DMD: variants seen among roughly 807,000 people sequenced by gnomAD.
DMD encodes the protein dystrophin, also known as mutant dystrophin.
A neutral mutation model predicts 330.1 loss-of-function variants in DMD; 63 were observed. That is an observed-to-expected ratio of 0.19 (90% CI 0.16 to 0.24). DMD has a LOEUF of 0.24. DMD is among the 10% of genes least tolerant of loss of function. The probability of loss-of-function intolerance (pLI) is 1.00; values close to 1 mark genes in which losing one functional copy is unlikely to be tolerated. For missense variants in DMD, 3,344 were observed against 2,684.1 expected, an observed-to-expected ratio of 1.25 and a Z score of -5.43; for synonymous variants, 1,223 against 959.8, an observed-to-expected ratio of 1.27 and a Z score of -5.07.
chrX:33,284,853 G>T (rs2053405581), intron 1 of DMD, among the ~76,000 whole-genome samples: 1 of 106,342 alleles, frequency 9.4e-6, no homozygotes, highest in Admixed American at 1.0e-4. Context: ...CTGTGAGAGA[G>T]GAGCAGCTTT....
chrX:32,117,282 G>T (rs2096614980), intron 44 of DMD, among the ~76,000 whole-genome samples: 2 of 110,270 alleles, frequency 1.8e-5, no homozygotes, highest in African/African-American at 6.7e-5. Flanking sequence ...CATCAGAATG[G>T]GGAACGGAGA....
chrX:31,261,158 G>A (rs1274726313), intron 62 of DMD, 142 bp from the exon 63 acceptor site: 1 of 496,392 alleles, frequency 2.0e-6, no homozygotes, highest in Non-Finnish European at 3.4e-6. Flanking sequence ...CTTCCATAGT[G>A]TATTGAAGAA....
At chrX:32,156,241 A>C (rs1292266639) in intron 44 of DMD, among the ~76,000 whole-genome samples, 1 of 111,351 alleles carries the variant, frequency 9.0e-6, no homozygotes, top group Non-Finnish European at 1.9e-5. Context: ...TTAGATGGGC[A>C]TGGTGACGCA....
intron 46 of DMD, among the ~76,000 whole-genome samples, chrX:31,931,867 T>C (rs1157888333): frequency 2.7e-5 from 3 of 109,784 alleles, no homozygotes; most frequent in African/African-American, 1.0e-4. Context: ...TGTGTGTGTA[T>C]ATATAAATAC....
chrX:33,005,574 G>T (rs909155780), intron 2 of DMD, among the ~76,000 whole-genome samples: 2 of 107,248 alleles, frequency 1.9e-5, no homozygotes, highest in African/African-American at 3.4e-5. Context: ...TCCACAGAAA[G>T]TTAGGAGAGA....
intron 8 of DMD, 41 bp downstream of exon 8, chrX:32,699,071 A>C: frequency 7.8e-6 from 9 of 1,149,883 alleles, no homozygotes; most frequent in Non-Finnish European, 9.5e-6. Context: ...CATATAAAAC[A>C]GAAAACATCT....
intron 43 of DMD, among the ~76,000 whole-genome samples, chrX:32,257,646 C>T (rs1225956274): frequency 1.8e-5 from 2 of 111,478 alleles, no homozygotes; most frequent in African/African-American, 6.5e-5. Context: ...CCCTTCCTTA[C>T]CCCTTATACA....
intron 21 of DMD, among the ~76,000 whole-genome samples, chrX:32,479,804 T>C (rs1207712745): frequency 9.1e-6 from 1 of 110,442 alleles, no homozygotes; most frequent in African/African-American, 3.3e-5. Flanking sequence ...ATTTTCTTTA[T>C]CCATTCGTCC....
intron 32 of DMD, among the ~76,000 whole-genome samples, chrX:32,388,701 A>T: frequency 9.1e-6 from 1 of 109,733 alleles, no homozygotes; most frequent in East Asian, 2.9e-4. Context: ...TACTAAATAG[A>T]CTTGTTTTCC....
chrX:33,035,909 T>C (rs2094196142), intron 1 of DMD, among the ~76,000 whole-genome samples: 1 of 112,020 alleles, frequency 8.9e-6, no homozygotes, highest in Non-Finnish European at 1.9e-5. Context: ...AGGAACATTA[T>C]TGATTGGCAA....
chrX:32,701,466 G>A (rs1288350058), intron 7 of DMD, among the ~76,000 whole-genome samples: 7 of 111,268 alleles, frequency 6.3e-5, no homozygotes, highest in Non-Finnish European at 1.1e-4. Context: ...ACTTAGCTTT[G>A]GAATTCTGAA....
intron 44 of DMD, among the ~76,000 whole-genome samples, chrX:32,151,815 C>T (rs2096805105): frequency 8.9e-6 from 1 of 111,848 alleles, no homozygotes. Flanking sequence ...TCGTGAGCAC[C>T]TCAGTATTCC....
chrX:32,502,574 C>T (rs981825467), intron 18 of DMD, among the ~76,000 whole-genome samples: 5 of 111,939 alleles, frequency 4.5e-5, no homozygotes, highest in African/African-American at 1.6e-4. Context: ...AGTAGAACTA[C>T]ATTACTATAA....
chrX:31,813,089 G>C (rs1006120485), intron 50 of DMD, among the ~76,000 whole-genome samples: 1 of 111,817 alleles, frequency 8.9e-6, no homozygotes, highest in Non-Finnish European at 1.9e-5. Flanking sequence ...GAATACTGAA[G>C]AGGACTGAAA....
intron 60 of DMD, among the ~76,000 whole-genome samples, chrX:31,380,862 C>T (rs1268922720): frequency 9.2e-6 from 1 of 108,704 alleles, no homozygotes; most frequent in African/African-American, 3.3e-5. Flanking sequence ...GCTGTACTGC[C>T]TCAAGGCTTC....
intron 19 of DMD, among the ~76,000 whole-genome samples, chrX:32,493,830 T>C (rs759881524): frequency 2.5e-4 from 28 of 111,892 alleles, no homozygotes; most frequent in African/African-American, 9.1e-4. Context: ...ATTTTCAGCA[T>C]ATGTTGAACT....
intron 2 of DMD, among the ~76,000 whole-genome samples, chrX:32,910,255 G>A (rs1220236667): frequency 1.8e-5 from 2 of 111,230 alleles, no homozygotes; most frequent in East Asian, 5.7e-4. Context: ...ACTTCTGGAT[G>A]AAAGGTTTAC....
At chrX:31,139,005 C>A (rs1430072308) in intron 76 of DMD, among the ~76,000 whole-genome samples, 2 of 112,383 alleles carry the variant, frequency 1.8e-5, no homozygotes, top group Admixed American at 9.4e-5. Flanking sequence ...CAGTTGCACA[C>A]TAGAGACCTG....
intron 55 of DMD, among the ~76,000 whole-genome samples, chrX:31,525,915 C>T (rs1017414008): frequency 4.5e-5 from 5 of 112,238 alleles, no homozygotes; most frequent in African/African-American, 6.5e-5. Flanking sequence ...CACAGATAAA[C>T]GGATTGAAAA....
Sources: allele counts gnomAD v4.1 joint callset (sites outside exome capture counted in the v4.1 genomes callset), GRCh38; gene constraint gnomAD v4.1.1; transcripts MANE v1.5; gene names NCBI Gene and HGNC (gene_info 2026-07-23, HGNC 2026-07-21).